Variants in CCDC7 observed in about 807,000 individuals in gnomAD.
The protein encoded by CCDC7 is coiled-coil domain containing 7.
CCDC7 carries 183 observed loss-of-function variants against 196.9 expected under a neutral mutation model. The ratio of observed to expected loss-of-function variants is 0.93; its 90% CI spans 0.82 to 1.05. CCDC7 has a LOEUF of 1.05. CCDC7 is among the 50% of genes least tolerant of loss of function. The pLI, the probability that CCDC7 is intolerant of heterozygous loss-of-function variation, is 0.00. For synonymous variants in CCDC7, 525 were observed against 484.6 expected (o/e 1.08, Z -1.10); for missense variants, 1,540 against 1,482.2 (o/e 1.04, Z -0.64).
intron 41 of CCDC7, among the ~76,000 whole-genome samples, chr10:32,867,444 A>G (rs752660996): frequency 2.0e-4 from 31 of 151,436 alleles, no homozygotes; most frequent in Non-Finnish European, 3.8e-4. Flanking sequence ...AGAGAACATT[A>G]TAAAGCAAAA....
intron 16 of CCDC7, among the ~76,000 whole-genome samples, chr10:32,575,267 A>G (rs1422365455): frequency 1.3e-5 from 2 of 152,176 alleles, no homozygotes; most frequent in African/African-American, 4.8e-5. Flanking sequence ...AATTTCTGCA[A>G]ATGAAAATGT....
intron 29 of CCDC7, among the ~76,000 whole-genome samples, chr10:32,780,077 A>T (rs1247620272): frequency 6.6e-6 from 1 of 152,162 alleles, no homozygotes; most frequent in Non-Finnish European, 1.5e-5. Context: ...TCTCTACAAA[A>T]ATACAAAAAA....
At position 32,506,219 on chromosome 10, in the gene CCDC7, G is replaced by A. The variant is rs566463564; in HGVS notation, c.873-11726G>A. 5.7e-4 allele frequency among the ~76,000 whole-genome samples: 86 copies of A among 149,752 alleles called. 1 individual carries two copies. The highest frequency in any genetic ancestry group is 5.2e-3 in the Admixed American group (78 of 15,102). On this transcript the variant is annotated intron_variant, in intron 9 of 41. Coordinates refer to ENST00000639629, the Ensembl canonical transcript of CCDC7. ...AGGCACTCCTCACTTCCTCCCAGAC[G>A]GGGTGGCCGGGCAGAGGCGCTACTC...
intron 24 of CCDC7, among the ~76,000 whole-genome samples, chr10:32,697,377 G>A (rs1027185440): frequency 2.0e-5 from 3 of 152,150 alleles, no homozygotes; most frequent in African/African-American, 7.2e-5. Flanking sequence ...GCAGGACATC[G>A]CCTCACCCAG....
intron 20 of CCDC7, among the ~76,000 whole-genome samples, chr10:32,640,326 G>T (rs1227451497): frequency 6.6e-6 from 1 of 151,950 alleles, no homozygotes; most frequent in Non-Finnish European, 1.5e-5. Flanking sequence ...GATCTTTGTT[G>T]GTTTAAAGTA....
intron 16 of CCDC7, among the ~76,000 whole-genome samples, chr10:32,574,821 C>T (rs977976992): frequency 1.3e-5 from 2 of 152,136 alleles, no homozygotes; most frequent in South Asian, 4.1e-4. Flanking sequence ...GGTTTGCTAT[C>T]AAGCACGAAA....
At chr10:32,507,422 A>G (rs1260769270) in intron 9 of CCDC7, among the ~76,000 whole-genome samples, 2 of 152,118 alleles carry the variant, frequency 1.3e-5, no homozygotes, top group Non-Finnish European at 2.9e-5. Context: ...TATACATTCA[A>G]AGTAATTATT....
intron 16 of CCDC7, among the ~76,000 whole-genome samples, chr10:32,579,726 C>T (rs1272923909): frequency 6.6e-6 from 1 of 152,058 alleles, no homozygotes; most frequent in Admixed American, 6.6e-5. Context: ...TCCCGTAATT[C>T]CTTAGCTACC....
At chr10:32,710,094 C>T (rs1307047131) in intron 24 of CCDC7, among the ~76,000 whole-genome samples, 1 of 152,176 alleles carries the variant, frequency 6.6e-6, no homozygotes, top group East Asian at 1.9e-4. Context: ...GCTTATCCTC[C>T]TTGAGCAAAA....
chr10:32,516,821 A>T (rs530781317), intron 9 of CCDC7, among the ~76,000 whole-genome samples: 1 of 152,264 alleles, frequency 6.6e-6, no homozygotes, highest in African/African-American at 2.4e-5. Flanking sequence ...AGGTTTATAC[A>T]TGAGATAAAT....
chr10:32,868,173 G>A (rs1044656895), intron 41 of CCDC7, among the ~76,000 whole-genome samples: 21 of 151,864 alleles, frequency 1.4e-4, no homozygotes, highest in Non-Finnish European at 2.4e-4. Flanking sequence ...TCCATCAGCT[G>A]ACACTTGGGC....
intron 13 of CCDC7, among the ~76,000 whole-genome samples, chr10:32,565,018 T>C (rs2056550990): frequency 6.6e-6 from 1 of 152,238 alleles, no homozygotes; most frequent in African/African-American, 2.4e-5. Flanking sequence ...TGCCTACTCT[T>C]GATTGTTCTC....
intron 21 of CCDC7, among the ~76,000 whole-genome samples, chr10:32,679,584 A>G (rs978274466): frequency 6.6e-6 from 1 of 152,238 alleles, no homozygotes; most frequent in Non-Finnish European, 1.5e-5. Context: ...CAGAGCCAGT[A>G]TTATCACATG....
At chr10:32,726,512 A>G (rs2083149145) in intron 25 of CCDC7, among the ~76,000 whole-genome samples, 1 of 152,092 alleles carries the variant, frequency 6.6e-6, no homozygotes, top group African/African-American at 2.4e-5. Context: ...GATGCCTTAG[A>G]ATATTTATGA....
At chr10:32,866,913 T>C (rs534906024) in intron 41 of CCDC7, among the ~76,000 whole-genome samples, 25 of 151,580 alleles carry the variant, frequency 1.6e-4, no homozygotes, top group African/African-American at 3.6e-4. Context: ...TGAAAAAATA[T>C]AACCCATTGA....
At chr10:32,602,819 T>G (rs1300130998) in intron 18 of CCDC7, among the ~76,000 whole-genome samples, 1 of 152,202 alleles carries the variant, frequency 6.6e-6, no homozygotes, top group Non-Finnish European at 1.5e-5. Flanking sequence ...TTTTAGCTTG[T>G]AAATGTTTTT....
At chr10:32,684,455 G>A (rs1268144633) in intron 21 of CCDC7, among the ~76,000 whole-genome samples, 1 of 152,090 alleles carries the variant, frequency 6.6e-6, no homozygotes, top group Non-Finnish European at 1.5e-5. Flanking sequence ...GGGCTCTCAA[G>A]CACTCACTCT....
intron 29 of CCDC7, among the ~76,000 whole-genome samples, chr10:32,799,436 G>A (rs1393892415): frequency 6.6e-6 from 1 of 152,162 alleles, no homozygotes; most frequent in East Asian, 1.9e-4. Flanking sequence ...GCCTTCTCCT[G>A]TTCTGGACCC....
chr10:32,522,201 T>A lies in CCDC7; in HGVS notation c.993+3696T>A, dbSNP rs543501433. Reference sequence around the variant, plus strand: ...TAATGCTGGTCTTGTAGAATGAGTTTGGAAGTATTCCCTCCTCTAGTATTT... The same window carrying A: ...TAATGCTGGTCTTGTAGAATGAGTTAGGAAGTATTCCCTCCTCTAGTATTT... On this transcript the variant is annotated intron_variant, in intron 11 of 41. Coordinates refer to ENST00000639629, the Ensembl canonical transcript of CCDC7. Among the ~76,000 whole-genome samples the A allele has an allele frequency of 5.6e-4, 85 of 152,332 alleles. No individual in the cohort carries two copies. In the Middle Eastern group the frequency reaches 0.014, roughly 24 times the overall value.
Sources: allele counts gnomAD v4.1 joint callset (sites outside exome capture counted in the v4.1 genomes callset), GRCh38; gene constraint gnomAD v4.1.1; transcripts MANE v1.5; gene names NCBI Gene and HGNC (gene_info 2026-07-23, HGNC 2026-07-21).